EXOC5: variants seen among roughly 807,000 people sequenced by gnomAD.
The protein encoded by EXOC5 is SEC10-like 1.
Under a neutral mutation model 90.8 loss-of-function variants are expected in EXOC5, and 17 were observed. The ratio of observed to expected loss-of-function variants is 0.19; its 90% CI spans 0.13 to 0.28. The LOEUF is 0.28. Ranked by LOEUF, EXOC5 falls within the 10% of genes least tolerant of loss-of-function variation. The pLI is 1.00. For synonymous variants in EXOC5, 260 were observed against 270.0 expected, an observed-to-expected ratio of 0.96 and a Z score of 0.36; for missense variants, 569 against 830.6, an observed-to-expected ratio of 0.69 and a Z score of 3.87.
At chr14:57,215,398 G>A (rs193179187) in intron 15 of EXOC5, among the ~76,000 whole-genome samples, 3 of 138,982 alleles carry the variant, frequency 2.2e-5, no homozygotes, top group Admixed American at 2.0e-4. Context: ...CAATATCCCT[G>A]ATGAATAAAG....
At chr14:57,239,770 C>T (rs1883799685) in intron 4 of EXOC5, 111 bp from the exon 5 acceptor site, 4 of 601,710 alleles carry the variant, frequency 6.6e-6, no homozygotes, top group Non-Finnish European at 1.1e-5. Flanking sequence ...CAGTCCCTTC[C>T]CTAAAAAAAT....
intron 1 of EXOC5, among the ~76,000 whole-genome samples, chr14:57,252,786 T>C: frequency 6.6e-6 from 1 of 152,038 alleles, no homozygotes. Context: ...TACTACTAAA[T>C]ATATATCCAA....
intron 13 of EXOC5, among the ~76,000 whole-genome samples, chr14:57,220,792 T>C (rs1430405358): frequency 6.6e-6 from 1 of 152,074 alleles, no homozygotes; most frequent in Non-Finnish European, 1.5e-5. Flanking sequence ...AGAGCGAGAT[T>C]CTGTCTCAAA....
chr14:57,268,561 G>A (rs1372834089), intron 1 of EXOC5, 61 bp downstream of exon 1: 3 of 1,553,426 alleles, frequency 1.9e-6, no homozygotes, highest in Admixed American at 1.9e-5. Flanking sequence ...TCCTCGGCCC[G>A]CCCACCCAGC....
chr14:57,206,621 G>A lies in EXOC5; in HGVS notation c.*1988C>T, dbSNP rs1882663230. 6.6e-6 allele frequency: 1 copy of A among 152,310 alleles called. No individual in the cohort carries two copies. Among genetic ancestry groups the A allele is most frequent in the South Asian group, 2.1e-4 (1 of 4,826 alleles). 9.4% of individuals were successfully genotyped at this position (152,310 alleles called of 1,614,324 possible). A position where few individuals can be genotyped will look rare whatever the true frequency, so the allele number is the denominator to read the frequency against. On this transcript the variant is annotated 3_prime_UTR_variant, in exon 18 of 18. Coordinates refer to ENST00000621441, the MANE Select transcript of EXOC5 (RefSeq NM_006544.4). ...GGGAATTTGTTTATTGAGCATTAATGTTAACACTTTTAAATTAAGTATTCA... is the reference window on the plus strand; with the variant it reads ...GGGAATTTGTTTATTGAGCATTAATATTAACACTTTTAAATTAAGTATTCA...
chr14:57,264,232 T>C (rs117032582), intron 1 of EXOC5, among the ~76,000 whole-genome samples: 1 of 152,344 alleles, frequency 6.6e-6, no homozygotes, highest in East Asian at 1.9e-4. Context: ...ATAAATAGCA[T>C]TTCAGCACCT....
chr14:57,234,784 C>T (rs1566731823), intron 7 of EXOC5, among the ~76,000 whole-genome samples: 1 of 151,748 alleles, frequency 6.6e-6, no homozygotes, highest in African/African-American at 2.4e-5. Flanking sequence ...AAGCTGATCT[C>T]GAACTCCTGA....
rs117160585 is a variant in EXOC5, at chr14:57,242,452, C to T, written c.465+1713G>A. Among the ~76,000 whole-genome samples, 1,007 of 151,858 alleles carry T rather than the reference C, an allele frequency of 6.6e-3. 5 individuals carry two copies. Among genetic ancestry groups the T allele is most frequent in the Non-Finnish European group, 0.011 (759 of 67,970 alleles). ...AGAGATGCGGTTTCACCATGTTGCCCGGGCTGGTTTCAAACTCCTAAGCCC... is the reference window on the plus strand; with the variant it reads ...AGAGATGCGGTTTCACCATGTTGCCTGGGCTGGTTTCAAACTCCTAAGCCC... On this transcript the variant is annotated intron_variant, in intron 4 of 17. Transcript: ENST00000621441.
chr14:57,253,853 T>C (rs370368906), intron 1 of EXOC5, among the ~76,000 whole-genome samples: 6 of 152,274 alleles, frequency 3.9e-5, no homozygotes, highest in East Asian at 1.9e-4. Context: ...TAACTAAAAA[T>C]GTCTCAAAGA....
At chr14:57,222,764 T>TAC (rs1883188546) in intron 12 of EXOC5, among the ~76,000 whole-genome samples, 1 of 132,244 alleles carries the variant, frequency 7.6e-6, no homozygotes, top group Non-Finnish European at 1.6e-5. Flanking sequence ...CACACACACA[T>TAC]ATATATATAT....
intron 7 of EXOC5, among the ~76,000 whole-genome samples, chr14:57,234,811 C>T (rs927281239): frequency 2.0e-5 from 3 of 151,908 alleles, no homozygotes; most frequent in African/African-American, 4.8e-5. Context: ...CTGATCCACC[C>T]GCCTCGGCCT....
Position 57,222,378 on chromosome 14 carries a change from T to A in EXOC5, c.1335A>T (p.Arg445Ser), listed in dbSNP as rs1035780186. ...DPSDLPRNAF[R>S]IFTILVEFLC... Reference sequence around the variant, plus strand: ...AAAATTCCACAAGAATGGTAAAAATTCTGAAGGCATTCCTTGGTAAGTCAG... The same window carrying A: ...AAAATTCCACAAGAATGGTAAAAATACTGAAGGCATTCCTTGGTAAGTCAG... Residue 445 changes from arginine (R) to serine (S), a missense_variant, in exon 13 of 18, where the codon AGA (arginine) becomes AGT (serine). By Grantham distance (110) the Arg-to-Ser change is moderately radical (BLOSUM62 -1). Coordinates refer to ENST00000621441, the MANE Select transcript of EXOC5 (RefSeq NM_006544.4). 20 of 1,601,968 alleles carry A rather than the reference T, an allele frequency of 1.2e-5. No homozygotes were observed. Among genetic ancestry groups the A allele is most frequent in the Non-Finnish European group, 1.7e-5 (20 of 1,172,814 alleles).
intron 4 of EXOC5, among the ~76,000 whole-genome samples, chr14:57,240,024 A>G (rs183421954): frequency 2.0e-5 from 3 of 152,316 alleles, no homozygotes; most frequent in Admixed American, 6.5e-5. Flanking sequence ...ATGAACCCGA[A>G]AAGGATAAAC....
chr14:57,218,127 T>A (rs536573130), intron 14 of EXOC5, 59 bp from the exon 15 acceptor site: 4 of 792,876 alleles, frequency 5.0e-6, no homozygotes, highest in Non-Finnish European at 8.5e-6. Context: ...TTTCTAAAAG[T>A]TTTTCATACA....
At chr14:57,217,686 T>C (rs1042634192) in intron 15 of EXOC5, among the ~76,000 whole-genome samples, 5 of 152,118 alleles carry the variant, frequency 3.3e-5, no homozygotes, top group African/African-American at 1.2e-4. Context: ...CAATGGCCTC[T>C]AAGTGTTCAA....
chr14:57,220,350 A>C (rs2139619662), intron 13 of EXOC5, among the ~76,000 whole-genome samples: 1 of 152,302 alleles, frequency 6.6e-6, no homozygotes, highest in East Asian at 1.9e-4. Context: ...TGAAAGACAT[A>C]AAAATTAAGG....
rs1409703219 is a variant in EXOC5, at chr14:57,247,608, T to C, written c.122+10A>G. ...TTAGATCTGTGGGGAAAAAAATTTT[T>C]TTATTTCACCTTTTAGGATCAAAAG... is the stretch of plus-strand genomic sequence containing the variant. On this transcript the variant is annotated intron_variant, in intron 2 of 17. Transcript: ENST00000621441. The C allele has an allele frequency of 6.7e-7, 1 of 1,493,706 alleles. No individual in the cohort carries two copies. Among genetic ancestry groups the C allele is most frequent in the East Asian group, 2.5e-5 (1 of 40,794 alleles). The allele number at this position is 1,493,706 out of a possible 1,614,324, so 92.5% of individuals were successfully genotyped here. A position where few individuals can be genotyped will look rare whatever the true frequency, so the allele number is the denominator to read the frequency against.
At chr14:57,226,692 G>C (rs1209157271) in intron 12 of EXOC5, among the ~76,000 whole-genome samples, 1 of 152,102 alleles carries the variant, frequency 6.6e-6, no homozygotes, top group Non-Finnish European at 1.5e-5. Flanking sequence ...CATATAAATG[G>C]TCCATTGATT....
At position 57,237,631 on chromosome 14, in the gene EXOC5, G is replaced by A. The variant is rs554869094; in HGVS notation, c.531-265C>T. ...TAGGTAGGTAGCTGGTTCTCATTTA[G>A]GAAATTCACATTGAAAATCAATTCT... On this transcript the variant is annotated intron_variant, in intron 5 of 17. Transcript: ENST00000621441. The A allele has an allele frequency of 3.7e-5, 12 of 326,882 alleles. No homozygotes were observed. The South Asian group carries it at 7.7e-4, about 21-fold the overall frequency. The allele number at this position is 326,882 out of a possible 1,614,324, so 20.2% of individuals were successfully genotyped here.
Sources: allele counts gnomAD v4.1 joint callset (sites outside exome capture counted in the v4.1 genomes callset), GRCh38; gene constraint gnomAD v4.1.1; transcripts MANE v1.5; gene names NCBI Gene and HGNC (gene_info 2026-07-23, HGNC 2026-07-21).